Variants in SMIM35 observed in about 807,000 individuals in gnomAD.
SMIM35 encodes TMPRSS4 antisense RNA 1 (non-protein coding).
chr11:118,014,575 CTTTT>C (rs1260768438), intron 3 of SMIM35, 129 bp downstream of exon 3: 1 of 397,420 alleles, frequency 2.5e-6, no homozygotes, highest in Non-Finnish European at 4.4e-6. Context: ...TCGTGCCCTT[CTTTT>C]ATTTTCTTAG....
At chr11:118,018,941 C>G (rs2058204899) in intron 1 of SMIM35, among the ~76,000 whole-genome samples, 1 of 150,484 alleles carries the variant, frequency 6.6e-6, no homozygotes, top group South Asian at 2.1e-4. Context: ...CATGTGCCTA[C>G]TAGTAATTTT....
chr11:118,053,487 A>G (rs1454990252), intron 1 of SMIM35, among the ~76,000 whole-genome samples: 1 of 152,192 alleles, frequency 6.6e-6, no homozygotes, highest in Non-Finnish European at 1.5e-5. Flanking sequence ...TCCCACCTGC[A>G]TGGCTCCCAT....
intron 1 of SMIM35, among the ~76,000 whole-genome samples, chr11:118,045,330 GCACACA>G (rs34102097): frequency 1.1e-3 from 168 of 146,120 alleles, no homozygotes; most frequent in East Asian, 4.2e-3. Flanking sequence ...ATACACACAT[GCACACA>G]CACACACACA....
intron 1 of SMIM35, among the ~76,000 whole-genome samples, chr11:118,039,956 G>A (rs980741949): frequency 2.7e-5 from 4 of 150,634 alleles, no homozygotes; most frequent in African/African-American, 9.8e-5. Flanking sequence ...GAGGTGGTAG[G>A]ATCGCTTGAA....
chr11:118,075,855 T>C (rs902477242), intron 1 of SMIM35, among the ~76,000 whole-genome samples: 14 of 152,234 alleles, frequency 9.2e-5, no homozygotes, highest in African/African-American at 3.4e-4. Flanking sequence ...GGGGGAACAA[T>C]GTGGACAATT....
At chr11:118,058,293 C>T (rs530120962) in intron 1 of SMIM35, among the ~76,000 whole-genome samples, 49 of 152,302 alleles carry the variant, frequency 3.2e-4, no homozygotes, top group African/African-American at 1.2e-3. Flanking sequence ...GCTGTCTCCT[C>T]TTCCTGGGCT....
chr11:118,070,710 A>G (rs779625275), intron 1 of SMIM35, among the ~76,000 whole-genome samples: 4 of 152,144 alleles, frequency 2.6e-5, no homozygotes, highest in Non-Finnish European at 4.4e-5. Context: ...TAAAGGGGAG[A>G]GGACTGAGTG....
intron 1 of SMIM35, among the ~76,000 whole-genome samples, chr11:118,026,864 A>G (rs994782326): frequency 1.3e-5 from 2 of 152,192 alleles, no homozygotes; most frequent in Admixed American, 6.5e-5. Context: ...CCAAGAATCT[A>G]TGGTAAACTG....
chr11:118,050,178 C>G (rs1280064747), intron 1 of SMIM35, among the ~76,000 whole-genome samples: 5 of 152,208 alleles, frequency 3.3e-5, no homozygotes. Flanking sequence ...AATGAAGAGG[C>G]TGGTGAGTGA....
At chr11:118,025,084 G>C (rs146727336) in intron 1 of SMIM35, among the ~76,000 whole-genome samples, 180 of 152,262 alleles carry the variant, frequency 1.2e-3, no homozygotes, top group African/African-American at 4.2e-3. Context: ...CAATTTTGCT[G>C]CAAAGGAGAA....
chr11:118,028,576 T>C (rs1379210047), intron 1 of SMIM35, among the ~76,000 whole-genome samples: 1 of 152,200 alleles, frequency 6.6e-6, no homozygotes, highest in African/African-American at 2.4e-5. Context: ...CAAATAAAAC[T>C]ATGCTTATTC....
At chr11:118,036,224 C>T (rs2058358572) in intron 1 of SMIM35, among the ~76,000 whole-genome samples, 1 of 152,178 alleles carries the variant, frequency 6.6e-6, no homozygotes, top group Non-Finnish European at 1.5e-5. Context: ...AAAATTGATT[C>T]ACAGTCCACT....
In SMIM35 at chr11:118,034,300, A is replaced by G. The variant is rs1328840897; in HGVS notation, c.8-18491T>C. 2.0e-5 allele frequency among the ~76,000 whole-genome samples: 3 copies of G among 152,194 alleles called. No homozygotes were observed. In the East Asian group the frequency reaches 5.8e-4, roughly 29 times the overall value. ...CTCACACACACACAAAAAAAGAAATAAAATAAAATAATACATGTCTACTAC... is the reference window on the plus strand; with the variant it reads ...CTCACACACACACAAAAAAAGAAATGAAATAAAATAATACATGTCTACTAC... On this transcript the variant is annotated intron_variant, in intron 1 of 4. Coordinates refer to ENST00000689828, the MANE Select transcript of SMIM35 (RefSeq NM_001394165.1).
At chr11:118,064,189 A>G (rs188400370) in intron 1 of SMIM35, among the ~76,000 whole-genome samples, 239 of 152,370 alleles carry the variant, frequency 1.6e-3, no homozygotes, top group African/African-American at 5.5e-3. Flanking sequence ...ATTTGGTCAC[A>G]GAAGTCTATT....
intron 1 of SMIM35, among the ~76,000 whole-genome samples, chr11:118,066,961 C>G (rs1457818329): frequency 2.0e-5 from 3 of 151,842 alleles, no homozygotes; most frequent in East Asian, 1.9e-4. Context: ...AATAGGGGAG[C>G]AAGAGCCTGG....
intron 1 of SMIM35, among the ~76,000 whole-genome samples, chr11:118,027,963 T>C (rs1455857211): frequency 6.6e-6 from 1 of 152,218 alleles, no homozygotes; most frequent in African/African-American, 2.4e-5. Flanking sequence ...GTCAATATAA[T>C]TGTGATCTTC....
In SMIM35 at chr11:118,077,122, A is replaced by C. The variant is rs892739509; in HGVS notation, c.7+9629T>G. ...AGAGGCAGCAGCTTGCTCAGCGGAC[A>C]AGGATGCTGGGCGTGAGGGACCAAG... is the stretch of plus-strand genomic sequence containing the variant. On this transcript the variant is annotated intron_variant, in intron 1 of 4. Transcript: ENST00000689828. The C allele has an allele frequency of 1.5e-5, 9 of 598,368 alleles. No homozygotes were observed. The African/African-American group carries it at 1.7e-4, about 12-fold the overall frequency. The allele number at this position is 598,368 out of a possible 1,614,324, so 37.1% of individuals were successfully genotyped here.
At chr11:118,052,073 G>C (rs1311194228) in intron 1 of SMIM35, among the ~76,000 whole-genome samples, 3 of 152,154 alleles carry the variant, frequency 2.0e-5, no homozygotes, top group Non-Finnish European at 4.4e-5. Flanking sequence ...CTTCCACACT[G>C]TACATTGTTT....
chr11:118,026,050 C>A (rs779574580), intron 1 of SMIM35, among the ~76,000 whole-genome samples: 1 of 152,158 alleles, frequency 6.6e-6, no homozygotes, highest in East Asian at 1.9e-4. Context: ...TGAATAGGGA[C>A]TCCTTTCCCC....
Sources: gnomAD v4.1 joint callset for allele counts (sites outside exome capture counted in the v4.1 genomes callset) on GRCh38, gnomAD v4.1.1 for gene constraint, MANE v1.5 for transcripts, NCBI Gene and HGNC (gene_info 2026-07-23, HGNC 2026-07-21) for gene names.